The following RCAN2 variants were observed in gnomAD, a reference collection of about 807,000 sequenced individuals.
RCAN2 encodes the protein regulator of calcineurin 2.
Under a neutral mutation model 23.6 loss-of-function variants are expected in RCAN2, and 9 were observed. The ratio of observed to expected loss-of-function variants is 0.38; its 90% confidence interval spans 0.23 to 0.67. The LOEUF (loss-of-function observed/expected upper bound fraction) is 0.67. Ranked by LOEUF, RCAN2 falls within the 30% of genes least tolerant of loss-of-function variation. RCAN2 has a pLI of 0.51. For synonymous variants in RCAN2, 109 were observed against 115.7 expected (o/e 0.94, Z 0.37); for missense variants, 273 against 302.3 (o/e 0.90, Z 0.72).
chr6:46,317,807 G>A (rs1348662572), intron 2 of RCAN2, among the ~76,000 whole-genome samples: 5 of 152,216 alleles, frequency 3.3e-5, no homozygotes, highest in Admixed American at 3.3e-4. Context: ...TTAATCCTTA[G>A]AGAGATTTCG....
chr6:46,390,957 A>G (rs892349956), intron 2 of RCAN2, among the ~76,000 whole-genome samples: 34 of 152,138 alleles, frequency 2.2e-4, no homozygotes, highest in Non-Finnish European at 3.5e-4. Context: ...AGGGGGGACC[A>G]GGGAGTCTTG....
intron 2 of RCAN2, among the ~76,000 whole-genome samples, chr6:46,413,111 A>C (rs1766593305): frequency 6.6e-6 from 1 of 152,236 alleles, no homozygotes; most frequent in African/African-American, 2.4e-5. Context: ...TACTAAAGAA[A>C]AGCAACTTTG....
intron 1 of RCAN2, 38 bp from the exon 2 acceptor site, chr6:46,457,016 A>G (rs1248418699): frequency 1.4e-6 from 2 of 1,431,416 alleles, no homozygotes; most frequent in East Asian, 5.0e-5. Flanking sequence ...ACTGCAGAAC[A>G]AATTCCTTAA....
intron 1 of RCAN2, among the ~76,000 whole-genome samples, chr6:46,488,636 C>T (rs912308631): frequency 6.6e-6 from 1 of 152,146 alleles, no homozygotes; most frequent in Non-Finnish European, 1.5e-5. Context: ...AATAAAAGTG[C>T]CTACTGAACA....
chr6:46,325,289 G>C (rs1352962794), intron 2 of RCAN2: 1 of 1,267,748 alleles, frequency 7.9e-7, no homozygotes, highest in East Asian at 2.4e-5. Flanking sequence ...CGCAGACTAT[G>C]AGCTGAAAAC....
rs555222605 is a variant in RCAN2, at chr6:46,442,482, G to A, written c.225+14270C>T. Among the ~76,000 whole-genome samples, 8 of 152,260 alleles carry A rather than the reference G, an allele frequency of 5.3e-5. No homozygotes were observed. The South Asian group carries it at 1.7e-3, about 32-fold the overall frequency. On this transcript the variant is annotated intron_variant, in intron 2 of 4. Coordinates refer to ENST00000371374, the MANE Select transcript of RCAN2 (RefSeq NM_001251974.2). ...TTTACAAAGTCACTTCCTTTCCCCA[G>A]GCAGTATGCCTTAAGACTGCTTCTG...
intron 2 of RCAN2, among the ~76,000 whole-genome samples, chr6:46,439,936 G>A (rs888387102): frequency 6.6e-6 from 1 of 152,188 alleles, no homozygotes; most frequent in African/African-American, 2.4e-5. Context: ...TTGCAAAGTC[G>A]TGAACTTAAG....
intron 2 of RCAN2, among the ~76,000 whole-genome samples, chr6:46,338,456 G>A (rs538409531): frequency 6.6e-6 from 1 of 152,184 alleles, no homozygotes; most frequent in Non-Finnish European, 1.5e-5. Context: ...CAGGAAGCCT[G>A]GCTAGGGTAA....
chr6:46,266,973 A>T (rs7772322), intron 2 of RCAN2, among the ~76,000 whole-genome samples: 119,115 of 152,116 alleles, frequency 0.78, 46,978 homozygotes, highest in Non-Finnish European at 0.83. Context: ...CTGATATAGT[A>T]TGACCTTGTA....
At chr6:46,264,256 G>A (rs1357257151) in intron 2 of RCAN2, among the ~76,000 whole-genome samples, 1 of 152,188 alleles carries the variant, frequency 6.6e-6, no homozygotes, top group African/African-American at 2.4e-5. Flanking sequence ...CATGTCCTTT[G>A]AAGACAGGCG....
At chr6:46,335,164 A>G (rs1764100915) in intron 2 of RCAN2, among the ~76,000 whole-genome samples, 1 of 152,172 alleles carries the variant, frequency 6.6e-6, no homozygotes, top group Non-Finnish European at 1.5e-5. Flanking sequence ...TGATGTCAGA[A>G]GCTTGGGACT....
intron 4 of RCAN2, among the ~76,000 whole-genome samples, chr6:46,236,609 A>G (rs1488437312): frequency 6.6e-6 from 1 of 152,202 alleles, no homozygotes; most frequent in African/African-American, 2.4e-5. Flanking sequence ...GTGTTCAATG[A>G]ATATGTGATT....
At chr6:46,372,088 A>T (rs1765337379) in intron 2 of RCAN2, among the ~76,000 whole-genome samples, 1 of 152,216 alleles carries the variant, frequency 6.6e-6, no homozygotes. Flanking sequence ...TTCAAAATTA[A>T]TTTAAAGGAA....
At chr6:46,464,935 G>T (rs1169857738) in intron 1 of RCAN2, among the ~76,000 whole-genome samples, 2 of 149,660 alleles carry the variant, frequency 1.3e-5, no homozygotes, top group Non-Finnish European at 3.0e-5. Flanking sequence ...AAAGCAAGTT[G>T]TTTCCATCAT....
intron 2 of RCAN2, among the ~76,000 whole-genome samples, chr6:46,376,237 A>G (rs1182974951): frequency 1.3e-5 from 2 of 152,232 alleles, no homozygotes; most frequent in Non-Finnish European, 2.9e-5. Flanking sequence ...AACTTCTGCT[A>G]TGTAATGCCT....
intron 1 of RCAN2, among the ~76,000 whole-genome samples, chr6:46,472,614 T>C (rs1768592802): frequency 6.6e-6 from 1 of 152,128 alleles, no homozygotes; most frequent in African/African-American, 2.4e-5. Context: ...ACAATTGCTG[T>C]ACTGTAATTG....
At chr6:46,263,513 A>ATGTGTGTGTGTGTGTGTGTGTGTG (rs1267211253) in intron 2 of RCAN2, among the ~76,000 whole-genome samples, 2 of 56,336 alleles carry the variant, frequency 3.6e-5, no homozygotes, top group African/African-American at 7.0e-5. Context: ...ATGTGTGTGT[A>ATGTGTGTGTGTGTGTGTGTGTGTG]TGTGTGTATG....
intron 2 of RCAN2, among the ~76,000 whole-genome samples, chr6:46,350,929 G>A (rs1287091527): frequency 4.6e-5 from 7 of 152,158 alleles, no homozygotes; most frequent in African/African-American, 1.7e-4. Context: ...TCTCATGAGA[G>A]TGCTGACTAA....
intron 2 of RCAN2, among the ~76,000 whole-genome samples, chr6:46,441,400 T>A (rs561412998): frequency 6.6e-6 from 1 of 152,168 alleles, no homozygotes; most frequent in South Asian, 2.1e-4. Context: ...ACCCGAAGAA[T>A]GAGGAGGTTG....
Sources: gnomAD v4.1 joint callset for allele counts (sites outside exome capture counted in the v4.1 genomes callset) on GRCh38, gnomAD v4.1.1 for gene constraint, MANE v1.5 for transcripts, NCBI Gene and HGNC (gene_info 2026-07-23, HGNC 2026-07-21) for gene names.